LCOR: variants seen among roughly 807,000 people sequenced by gnomAD.
The protein encoded by LCOR is ligand-dependent corepressor.
A neutral mutation model predicts 64.4 loss-of-function variants in LCOR; 14 were observed. The observed-to-expected ratio is 0.22, with a 90% CI of 0.14 to 0.34. The LOEUF is 0.34. Ranked by LOEUF, LCOR falls within the 10% of genes least tolerant of loss-of-function variation. The probability of loss-of-function intolerance (pLI) is 1.00; values close to 1 mark genes in which losing one functional copy is unlikely to be tolerated. For missense variants in LCOR, 1,686 were observed against 1,765.3 expected (o/e 0.96, Z 0.80); for synonymous variants, 643 against 642.5 (o/e 1.00, Z -0.01).
chr10:96,900,764 T>A (rs1846620274), intron 2 of LCOR, among the ~76,000 whole-genome samples: 1 of 152,108 alleles, frequency 6.6e-6, no homozygotes, highest in South Asian at 2.1e-4. Flanking sequence ...GCTGTTCTAC[T>A]TCCCAAATCA....
chr10:96,915,249 G>A (rs12249427), intron 4 of LCOR, among the ~76,000 whole-genome samples: 21,044 of 152,244 alleles, frequency 0.14, 1,977 homozygotes, highest in African/African-American at 0.26. Flanking sequence ...AGCCGGGCAC[G>A]GAGGTGCACG....
chr10:96,907,761 C>T lies in LCOR; in HGVS notation c.-184+14C>T, dbSNP rs1846754032. On this transcript the variant is annotated intron_variant, in intron 4 of 7. Coordinates refer to ENST00000421806, the MANE Select transcript of LCOR (RefSeq NM_001346516.2). ...GATAAAGTAAAGGTAACTAAGAAGC[C>T]TGTGAAACTTTTATTTAGTGTAGTA... is the stretch of plus-strand genomic sequence containing the variant. The T allele has an allele frequency of 1.1e-6, 1 of 895,128 alleles. No homozygotes were observed. 55.4% of individuals were successfully genotyped at this position (895,128 alleles called of 1,614,324 possible). A position where few individuals can be genotyped will look rare whatever the true frequency, so the allele number is the denominator to read the frequency against.
At chr10:96,869,282 G>A (rs1342537941) in intron 2 of LCOR, among the ~76,000 whole-genome samples, 1 of 151,048 alleles carries the variant, frequency 6.6e-6, no homozygotes, top group Non-Finnish European at 1.5e-5. Context: ...GCCTGATCTC[G>A]GCCCATTACA....
rs904300896 is a variant in LCOR, at chr10:96,992,505, C to T, written c.*7371C>T. 1.3e-5 allele frequency: 2 copies of T among 152,308 alleles called. No individual in the cohort carries two copies. The highest frequency in any genetic ancestry group is 2.9e-5 in the Non-Finnish European group (2 of 68,070). The allele number at this position is 152,308 out of a possible 1,614,324, so 9.4% of individuals were successfully genotyped here. The stretch of plus-strand genomic sequence containing the variant: ...AGATGCAACAGAAGCACGTCTCCCC[C>T]ACTGTCACCCCATCCCACAACAAAG... On this transcript the variant is annotated 3_prime_UTR_variant, in exon 8 of 8. Transcript: ENST00000421806.
At position 96,991,136 on chromosome 10, in the gene LCOR, A is replaced by G. The variant is rs934852879; in HGVS notation, c.*6002A>G. The G allele has an allele frequency of 6.6e-6, 1 of 151,898 alleles. No homozygotes were observed. Among genetic ancestry groups the G allele is most frequent in the Admixed American group, 6.6e-5 (1 of 15,266 alleles). The allele number at this position is 151,898 out of a possible 1,614,324, so 9.4% of individuals were successfully genotyped here. On this transcript the variant is annotated 3_prime_UTR_variant, in exon 8 of 8. Coordinates refer to ENST00000421806, the MANE Select transcript of LCOR (RefSeq NM_001346516.2). ...CTGATCCTTATAGTAGTCATTAAAG[A>G]TCAAATTGTGTAGACAGGCACAACT... is the stretch of plus-strand genomic sequence containing the variant.
Position 96,913,060 on chromosome 10 carries a change from C to CT in LCOR, c.-184+5324dup, listed in dbSNP as rs536730246. On this transcript the variant is annotated intron_variant, in intron 4 of 7. Coordinates refer to ENST00000421806, the MANE Select transcript of LCOR (RefSeq NM_001346516.2). ...TGACATCTTTCTTTTTTTTAAAGCA[C>CT]TTTTTTTTTTTCACTTTTTGGCATT... Among the ~76,000 whole-genome samples, 618 of 144,568 alleles carry CT rather than the reference C, an allele frequency of 4.3e-3. 7 individuals are homozygous for CT. Among genetic ancestry groups the CT allele is most frequent in the African/African-American group, 0.012 (456 of 39,576 alleles). 94.8% of individuals were successfully genotyped at this position (144,568 alleles called of 152,430 possible). A position where few individuals can be genotyped will look rare whatever the true frequency, so the allele number is the denominator to read the frequency against.
intron 4 of LCOR, among the ~76,000 whole-genome samples, chr10:96,923,938 A>G (rs1449096226): frequency 1.3e-5 from 2 of 152,164 alleles, no homozygotes; most frequent in South Asian, 2.1e-4. Flanking sequence ...AAAACCTAAA[A>G]TATTTACTCT....
In LCOR at chr10:96,982,574, C is replaced by T. The variant is rs778183129; in HGVS notation, c.2114C>T (p.Ser705Leu). The change falls in exon 8 of 8, where the codon TCA (serine) becomes TTA (leucine). Residue 705 changes from serine (S) to leucine (L), a missense_variant. Around this residue, in one of 3 missense-constraint regions of LCOR, gnomAD observed 1,293 missense variants for 1,410.4 expected, o/e 0.92. Coordinates refer to ENST00000421806, the MANE Select transcript of LCOR (RefSeq NM_001346516.2). ...AGTAGAGAAGAAAGTCCTCAGTGCT[C>T]AGAAAATCAGAGTTCCCCAATGGGC... ...IVSREESPQC[S>L]ENQSSPMGLE... 17 of 1,613,968 alleles carry T rather than the reference C, an allele frequency of 1.1e-5. No individual in the cohort carries two copies. The highest frequency in any genetic ancestry group is 9.3e-5 in the African/African-American group (7 of 74,926).
chr10:96,859,016 G>A (rs1354534532), intron 2 of LCOR, among the ~76,000 whole-genome samples: 1 of 152,122 alleles, frequency 6.6e-6, no homozygotes, highest in Non-Finnish European at 1.5e-5. Flanking sequence ...AGGACACTTT[G>A]TATTGCAAAT....
At chr10:96,920,685 T>C (rs1413035367) in intron 4 of LCOR, among the ~76,000 whole-genome samples, 1 of 146,494 alleles carries the variant, frequency 6.8e-6, no homozygotes, top group African/African-American at 2.6e-5. Context: ...TATTCATATA[T>C]GTGTATATAT....
At chr10:96,892,426 A>G (rs548238015) in intron 2 of LCOR, among the ~76,000 whole-genome samples, 1 of 152,110 alleles carries the variant, frequency 6.6e-6, no homozygotes, top group African/African-American at 2.4e-5. Flanking sequence ...TATTTCTCAC[A>G]GTTCTGGAGG....
At chr10:96,920,512 A>G (rs1384773448) in intron 4 of LCOR, among the ~76,000 whole-genome samples, 1 of 143,536 alleles carries the variant, frequency 7.0e-6, no homozygotes, top group Non-Finnish European at 1.5e-5. Context: ...ATATGTATGT[A>G]TATTCAGATA....
chr10:96,871,841 AG>A (rs199596719), intron 2 of LCOR, among the ~76,000 whole-genome samples: 198 of 152,276 alleles, frequency 1.3e-3, no homozygotes, highest in African/African-American at 4.4e-3. Flanking sequence ...AGAAAGGAGG[AG>A]GAGCATTTTG....
At chr10:96,854,768 A>C (rs1378663513) in intron 2 of LCOR, among the ~76,000 whole-genome samples, 1 of 152,242 alleles carries the variant, frequency 6.6e-6, no homozygotes, top group Non-Finnish European at 1.5e-5. Context: ...AATAATTCAC[A>C]GATGTACTAG....
At chr10:96,839,729 A>T (rs1448722953) in intron 2 of LCOR, among the ~76,000 whole-genome samples, 1 of 151,358 alleles carries the variant, frequency 6.6e-6, no homozygotes, top group Non-Finnish European at 1.5e-5. Context: ...TCTGTTGCCC[A>T]GGTTGGACTG....
intron 2 of LCOR, among the ~76,000 whole-genome samples, chr10:96,903,194 A>G (rs1432801210): frequency 6.6e-6 from 1 of 152,140 alleles, no homozygotes; most frequent in Non-Finnish European, 1.5e-5. Flanking sequence ...TGGTAAGGGA[A>G]CAAGAAGGCC....
chr10:96,910,608 G>A (rs1263592073), intron 4 of LCOR, among the ~76,000 whole-genome samples: 1 of 152,190 alleles, frequency 6.6e-6, no homozygotes, highest in Non-Finnish European at 1.5e-5. Flanking sequence ...TTTTGGAAAT[G>A]TATTATATCC....
chr10:96,873,598 G>A (rs1433522673), intron 2 of LCOR, among the ~76,000 whole-genome samples: 20 of 149,590 alleles, frequency 1.3e-4, no homozygotes, highest in Middle Eastern at 6.9e-3. Context: ...GTGTGTGTGT[G>A]TGTGTGTGTG....
chr10:96,944,960 C>T (rs951272928), intron 5 of LCOR, among the ~76,000 whole-genome samples: 2 of 152,066 alleles, frequency 1.3e-5, no homozygotes, highest in Non-Finnish European at 2.9e-5. Context: ...TACCATCAGC[C>T]AGAACCTTCA....
Sources: allele counts gnomAD v4.1 joint callset (sites outside exome capture counted in the v4.1 genomes callset), GRCh38; gene constraint gnomAD v4.1.1; regional missense constraint gnomAD v4.1.1; transcripts MANE v1.5; gene names NCBI Gene and HGNC (gene_info 2026-07-23, HGNC 2026-07-21).